Variants in MARS1 observed in about 807,000 individuals in gnomAD.
MARS1 encodes methionyl-tRNA synthetase 1.
In MARS1, 80 loss-of-function variants were observed where a neutral mutation model predicts 119.5. The ratio of observed to expected loss-of-function variants is 0.67; its 90% CI spans 0.56 to 0.81. The LOEUF (loss-of-function observed/expected upper bound fraction) is 0.81. Ranked by LOEUF, MARS1 falls within the 30% of genes least tolerant of loss-of-function variation. The pLI is 0.00. For synonymous variants in MARS1, 418 were observed against 433.4 expected, an observed-to-expected ratio of 0.96 and a Z score of 0.44; for missense variants, 945 against 1,116.5, an observed-to-expected ratio of 0.85 and a Z score of 2.19.
chr12:57,499,005 C>T (rs1020954381), intron 9 of MARS1, among the ~76,000 whole-genome samples: 12 of 152,154 alleles, frequency 7.9e-5, no homozygotes, highest in Middle Eastern at 3.4e-3. Flanking sequence ...TTTGCATAGC[C>T]GGGTGCAGTG....
chr12:57,512,444 T>C, intron 14 of MARS1, 91 bp downstream of exon 14: 1 of 907,810 alleles, frequency 1.1e-6, no homozygotes, highest in South Asian at 1.4e-5. Flanking sequence ...GCTGCTATCT[T>C]GAGTTAGGAG....
intron 11 of MARS1, among the ~76,000 whole-genome samples, chr12:57,510,907 C>G (rs762289382): frequency 6.6e-5 from 10 of 151,996 alleles, no homozygotes; most frequent in Non-Finnish European, 1.0e-4. Flanking sequence ...AAACCCATCT[C>G]TACTAAAAAT....
Position 57,515,908 on chromosome 12 carries a change from CTT to C in MARS1, c.2392-6_2392-5del. On this transcript the variant is annotated splice_polypyrimidine_tract_variant and intron_variant, in intron 18 of 20. Coordinates refer to ENST00000262027, the MANE Select transcript of MARS1 (RefSeq NM_004990.4). The stretch of plus-strand genomic sequence containing the variant: ...CCAATCAGTAGATGATTCTGGAACT[CTT>C]TTTTTACAGGTCAGTCCCTTGTTCC... The C allele has an allele frequency of 1.2e-6, 2 of 1,610,466 alleles. No homozygotes were observed. Among genetic ancestry groups the C allele is most frequent in the Non-Finnish European group, 1.7e-6 (2 of 1,177,374 alleles).
chr12:57,516,423 C>T lies in MARS1; in HGVS notation c.2557-12C>T, dbSNP rs189933911. On this transcript the variant is annotated splice_polypyrimidine_tract_variant and intron_variant, in intron 20 of 20. Transcript: ENST00000262027. ...TGCCTCACTGTTACCTCCCCACCCCCCTTTATCTTAGGGAAACATTGTCCG... is the reference window on the plus strand; with the variant it reads ...TGCCTCACTGTTACCTCCCCACCCCTCTTTATCTTAGGGAAACATTGTCCG... 1.2e-5 allele frequency: 19 copies of T among 1,612,928 alleles called. No homozygotes were observed. Among genetic ancestry groups the T allele is most frequent in the African/African-American group, 9.3e-5 (7 of 74,868 alleles).
At chr12:57,506,478 G>C (rs1033675443) in intron 11 of MARS1, among the ~76,000 whole-genome samples, 4 of 152,076 alleles carry the variant, frequency 2.6e-5, no homozygotes, top group Non-Finnish European at 5.9e-5. Context: ...TGGGTTTGTT[G>C]GGTGTTTCCT....
intron 11 of MARS1, among the ~76,000 whole-genome samples, chr12:57,509,563 C>T (rs1339905589): frequency 6.6e-6 from 1 of 151,668 alleles, no homozygotes; most frequent in African/African-American, 2.4e-5. Flanking sequence ...CCTGCCACCA[C>T]ACCCAGCTAA....
rs1179475597 is a variant in MARS1 at position 57,512,077 on chromosome 12, G to A, written c.1609G>A (p.Glu537Lys). 5 of 1,614,070 alleles carry A rather than the reference G, an allele frequency of 3.1e-6. No individual in the cohort carries two copies. In the South Asian group the frequency reaches 5.5e-5, roughly 18 times the overall value. Reference sequence around the variant, plus strand: ...CACAGCCAACTACACAGACCAGTGGGAGAGATGGTGGAAGAACCCAGAGCA... The same window carrying A: ...CACAGCCAACTACACAGACCAGTGGAAGAGATGGTGGAAGAACCCAGAGCA... The part of the protein sequence containing the change: ...SITANYTDQW[E>K]RWWKNPEQVD... Residue 537 changes from glutamate (E) to lysine (K), a missense_variant, in exon 13 of 21, where the codon GAG (glutamate) becomes AAG (lysine). By Grantham distance (56) the Glu-to-Lys change is moderately conservative. Coordinates refer to ENST00000262027, the MANE Select transcript of MARS1 (RefSeq NM_004990.4).
At chr12:57,506,094 C>T (rs1877167309) in intron 11 of MARS1, among the ~76,000 whole-genome samples, 1 of 151,690 alleles carries the variant, frequency 6.6e-6, no homozygotes, top group Non-Finnish European at 1.5e-5. Flanking sequence ...CCCATCTCTA[C>T]AAAAAATACA....
At chr12:57,500,586 C>T (rs1876875350) in intron 10 of MARS1, 64 bp downstream of exon 10, 1 of 1,484,974 alleles carries the variant, frequency 6.7e-7, no homozygotes, top group Non-Finnish European at 9.3e-7. Flanking sequence ...GGACGCCCTT[C>T]CTGTCCCATT....
rs1209638931 is a variant in MARS1, at chr12:57,494,075, T to C, written c.770+3431T>C. ...GGTTCAAGTGATTCTCCTGTCTCAGTCTCCCGAGTAGCTGGGATTACAGGT... is the reference window on the plus strand; with the variant it reads ...GGTTCAAGTGATTCTCCTGTCTCAGCCTCCCGAGTAGCTGGGATTACAGGT... On this transcript the variant is annotated intron_variant, in intron 7 of 20. Coordinates refer to ENST00000262027, the MANE Select transcript of MARS1 (RefSeq NM_004990.4). Among the ~76,000 whole-genome samples the C allele has an allele frequency of 6.5e-4, 88 of 136,240 alleles. No homozygotes were observed. In the Middle Eastern group the frequency reaches 0.013, roughly 20 times the overall value. The allele number at this position is 136,240 out of a possible 152,430, so 89.4% of individuals were successfully genotyped here. A position where few individuals can be genotyped will look rare whatever the true frequency, so the allele number is the denominator to read the frequency against.
intron 11 of MARS1, among the ~76,000 whole-genome samples, chr12:57,508,123 C>G (rs1445950084): frequency 6.6e-6 from 1 of 151,932 alleles, no homozygotes; most frequent in Non-Finnish European, 1.5e-5. Flanking sequence ...AAGAGGCGCT[C>G]CTCACTTCCT....
rs1206735430 is a variant in MARS1, at chr12:57,494,537, A to C, written c.771-3620A>C. ...TTTTTTTTAGTATTTATTGATCATT[A>C]TTGGGTGTTTCTCGGAGAGGGGGAT... On this transcript the variant is annotated intron_variant, in intron 7 of 20. Transcript: ENST00000262027. Among the ~76,000 whole-genome samples, 20 of 82,930 alleles carry C rather than the reference A, an allele frequency of 2.4e-4. No individual in the cohort carries two copies. In the South Asian group the frequency reaches 6.9e-3, roughly 29 times the overall value. The allele number at this position is 82,930 out of a possible 152,430, so 54.4% of individuals were successfully genotyped here.
chr12:57,515,870 G>C lies in MARS1; in HGVS notation c.2392-50G>C, dbSNP rs766771049. 1.8e-5 allele frequency: 26 copies of C among 1,421,034 alleles called. No homozygotes were observed. In the South Asian group the frequency reaches 3.0e-4, roughly 16 times the overall value. The allele number at this position is 1,421,034 out of a possible 1,614,324, so 88.0% of individuals were successfully genotyped here. ...GGAGAGGTCATCTGTATAGTCTATG[G>C]TAGAGTCTGTATCCAATCAGTAGAT... On this transcript the variant is annotated intron_variant, in intron 18 of 20. Coordinates refer to ENST00000262027, the MANE Select transcript of MARS1 (RefSeq NM_004990.4).
Position 57,516,577 on chromosome 12 carries a change from A to C in MARS1, c.2699A>C (p.Lys900Thr). The C allele has an allele frequency of 3.2e-6, 5 of 1,572,486 alleles. No homozygotes were observed. The highest frequency in any genetic ancestry group is 4.3e-6 in the Non-Finnish European group (5 of 1,166,912). The change falls in exon 21 of 21, where the codon AAG becomes ACG. Residue 900 changes from lysine (K) to threonine (T), a missense_variant. Transcript: ENST00000262027. ...GAAGCCCCTAAAGGCAAGAAGAAAAAGTAAAAGACCTTGGCTCATAGAAAG... is the reference window on the plus strand; with the variant it reads ...GAAGCCCCTAAAGGCAAGAAGAAAACGTAAAAGACCTTGGCTCATAGAAAG... ...PPEAPKGKKK[K>T]
In MARS1 at chr12:57,489,270, T is replaced by C. The variant is rs763382089; in HGVS notation, c.204T>C (p.Tyr68=). The change falls in exon 3 of 21, where the codon TAT becomes TAC. Residue 68 remains tyrosine, a synonymous_variant. Transcript: ENST00000262027. ...YLFSTSAICR[Y]FFLLSGWEQD... The stretch of plus-strand genomic sequence containing the variant: ...CTGTTGCTCTCTCTCTGGGCAGATA[T>C]TTTTTTTTGTTATCTGGCTGGGAGC... 2 of 1,564,202 alleles carry C rather than the reference T, an allele frequency of 1.3e-6. No homozygotes were observed. Among genetic ancestry groups the C allele is most frequent in the South Asian group, 2.2e-5 (2 of 89,008 alleles).
rs549243868 is a variant in MARS1, at chr12:57,498,100, G to A, written c.771-57G>A. Reference sequence around the variant, plus strand: ...TGTCCGGGTGTTCTGTGCACTTTTCGTCCCTGTTGACCCTCACATCCCCCC... The same window carrying A: ...TGTCCGGGTGTTCTGTGCACTTTTCATCCCTGTTGACCCTCACATCCCCCC... On this transcript the variant is annotated intron_variant, in intron 7 of 20. Coordinates refer to ENST00000262027, the MANE Select transcript of MARS1 (RefSeq NM_004990.4). 2.3e-5 allele frequency: 26 copies of A among 1,107,006 alleles called. No individual in the cohort carries two copies. In the African/African-American group the frequency reaches 2.9e-4, roughly 12 times the overall value. The allele number at this position is 1,107,006 out of a possible 1,614,324, so 68.6% of individuals were successfully genotyped here. A position where few individuals can be genotyped will look rare whatever the true frequency, so the allele number is the denominator to read the frequency against.
intron 1 of MARS1, chr12:57,488,779 C>A: frequency 1.0e-6 from 1 of 952,780 alleles, no homozygotes; most frequent in Non-Finnish European, 1.6e-6. Context: ...CCCAATACCA[C>A]CACCTCCTCT....
intron 15 of MARS1, among the ~76,000 whole-genome samples, chr12:57,513,495 TC>T (rs1271763467): frequency 6.6e-6 from 1 of 151,118 alleles, no homozygotes; most frequent in Non-Finnish European, 1.5e-5. Flanking sequence ...ACACCTGTAG[TC>T]CCAGCCACTC....
In MARS1 at chr12:57,502,778, C is replaced by T. The variant is rs943740604; in HGVS notation, c.1294-1447C>T. 6.7e-5 allele frequency among the ~76,000 whole-genome samples: 10 copies of T among 149,046 alleles called. No homozygotes were observed. The East Asian group carries it at 9.9e-4, about 15-fold the overall frequency. On this transcript the variant is annotated intron_variant, in intron 10 of 20. Transcript: ENST00000262027. ...CACGGTGGCTCACGCCTGTAGTCCG[C>T]GCACTTTGGGAGGCTGAGGCGGGCA... is the stretch of plus-strand genomic sequence containing the variant.
Sources: gnomAD v4.1 joint callset for allele counts (sites outside exome capture counted in the v4.1 genomes callset) on GRCh38, gnomAD v4.1.1 for gene constraint, MANE v1.5 for transcripts, NCBI Gene and HGNC (gene_info 2026-07-23, HGNC 2026-07-21) for gene names.